RTL4: variants seen among roughly 807,000 people sequenced by gnomAD.
The protein encoded by RTL4 is retrotransposon Gag like 4.
A neutral mutation model predicts 5.3 loss-of-function variants in RTL4; 4 were observed. The observed-to-expected ratio is 0.75, with a 90% confidence interval of 0.37 to 1.72. The LOEUF is 1.72. Among genes scored for constraint, RTL4 ranks in the 40% most tolerant of loss-of-function variants. The probability of loss-of-function intolerance (pLI) is 0.04; values close to 1 mark genes in which losing one functional copy is unlikely to be tolerated. For missense variants in RTL4, 260 were observed against 227.1 expected (o/e 1.14, Z -0.93); for synonymous variants, 98 against 87.3 (o/e 1.12, Z -0.68).
chrX:112,114,410 G>A, the RTL4 span, among the ~76,000 whole-genome samples: 9 of 111,691 alleles, frequency 8.1e-5, no homozygotes, highest in South Asian at 1.9e-3. Flanking sequence ...AGCTAAATCC[G>A]CATTCTTTTC....
the RTL4 span, among the ~76,000 whole-genome samples, chrX:112,444,806 A>T: frequency 1.8e-5 from 2 of 111,832 alleles, no homozygotes; most frequent in Non-Finnish European, 1.9e-5. Context: ...ATAGTTGTTC[A>T]TAGTAGGAAA....
chrX:112,231,559 C>T, the RTL4 span, among the ~76,000 whole-genome samples: 25 of 74,564 alleles, frequency 3.4e-4, no homozygotes, highest in East Asian at 0.01. Context: ...CATCACACAC[C>T]AGGGACTGTT....
the RTL4 span, among the ~76,000 whole-genome samples, chrX:112,135,825 T>C: frequency 1.8e-5 from 2 of 108,977 alleles, no homozygotes; most frequent in Non-Finnish European, 3.8e-5. Context: ...ATATAATTAA[T>C]TTTTGGCAAA....
the RTL4 span, among the ~76,000 whole-genome samples, chrX:112,297,726 C>T: frequency 9.0e-6 from 1 of 111,468 alleles, no homozygotes; most frequent in Non-Finnish European, 1.9e-5. Flanking sequence ...AGGTCTGTCC[C>T]CCCAACAAAC....
chrX:112,340,343 C>A, the RTL4 span, among the ~76,000 whole-genome samples: 5 of 110,844 alleles, frequency 4.5e-5, no homozygotes, highest in Non-Finnish European at 9.4e-5. Context: ...AACAATGAAC[C>A]CAGTCACTTA....
chrX:112,195,260 A>C, the RTL4 span, among the ~76,000 whole-genome samples: 1 of 112,046 alleles, frequency 8.9e-6, no homozygotes, highest in African/African-American at 3.2e-5. Flanking sequence ...CATTCACTTC[A>C]AGCATAGAGA....
the RTL4 span, among the ~76,000 whole-genome samples, chrX:112,271,561 A>C: frequency 2.7e-5 from 3 of 111,519 alleles, no homozygotes; most frequent in Admixed American, 9.5e-5. Flanking sequence ...TGAGCAATTA[A>C]AAAAAAAGAA....
At chrX:112,383,287 T>A in the RTL4 span, among the ~76,000 whole-genome samples, 3 of 111,705 alleles carry the variant, frequency 2.7e-5, no homozygotes, top group Non-Finnish European at 5.7e-5. Context: ...TGAATCCTAG[T>A]ATAGGGGAAT....
the RTL4 span, among the ~76,000 whole-genome samples, chrX:112,089,563 G>A: frequency 9.0e-6 from 1 of 110,680 alleles, no homozygotes; most frequent in East Asian, 2.8e-4. Flanking sequence ...TAGACATATG[G>A]GCTTATTTTT....
the RTL4 span, among the ~76,000 whole-genome samples, chrX:112,332,483 A>G: frequency 9.0e-6 from 1 of 111,118 alleles, no homozygotes; most frequent in Non-Finnish European, 1.9e-5. Context: ...TATATATGCC[A>G]TGGAATACTA....
At chrX:112,085,380 C>A in the RTL4 span, among the ~76,000 whole-genome samples, 1 of 112,532 alleles carries the variant, frequency 8.9e-6, no homozygotes, top group African/African-American at 3.2e-5. Flanking sequence ...ATACTCTTTT[C>A]TCCTCTCTTC....
At chrX:112,256,136 A>G in the RTL4 span, among the ~76,000 whole-genome samples, 4 of 112,026 alleles carry the variant, frequency 3.6e-5, no homozygotes, top group African/African-American at 1.3e-4. Flanking sequence ...ATAGAATTTT[A>G]TTTTGTCCAC....
At chrX:112,284,342 G>A in the RTL4 span, among the ~76,000 whole-genome samples, 2 of 110,212 alleles carry the variant, frequency 1.8e-5, no homozygotes, top group African/African-American at 6.6e-5. Context: ...TCACTTATGG[G>A]TTGTGTGACT....
chrX:112,249,071 C>T, the RTL4 span, among the ~76,000 whole-genome samples: 1 of 111,936 alleles, frequency 8.9e-6, no homozygotes, highest in African/African-American at 3.3e-5. Context: ...CTCAAGTGTC[C>T]AGGGAGAGAA....
At chrX:112,101,579 T>C in the RTL4 span, among the ~76,000 whole-genome samples, 10 of 110,971 alleles carry the variant, frequency 9.0e-5, no homozygotes, top group African/African-American at 2.9e-4. Context: ...AAATGACCCA[T>C]AGGTGACAAA....
the RTL4 span, among the ~76,000 whole-genome samples, chrX:112,255,833 C>G: frequency 8.9e-6 from 1 of 112,005 alleles, no homozygotes; most frequent in African/African-American, 3.2e-5. Flanking sequence ...CCTGGATACT[C>G]TCTCTAGATG....
the RTL4 span, among the ~76,000 whole-genome samples, chrX:112,214,942 C>T: frequency 3.6e-5 from 4 of 109,757 alleles, no homozygotes; most frequent in Non-Finnish European, 5.7e-5. Context: ...GCACCCACCA[C>T]CACACCCGGC....
chrX:112,173,318 G>A, the RTL4 span, among the ~76,000 whole-genome samples: 13 of 111,458 alleles, frequency 1.2e-4, no homozygotes, highest in African/African-American at 4.2e-4. Flanking sequence ...ATCAAGTGAT[G>A]ATGGAGGATT....
chrX:112,398,646 G>A, the RTL4 span, among the ~76,000 whole-genome samples: 1 of 110,787 alleles, frequency 9.0e-6, no homozygotes, highest in Non-Finnish European at 1.9e-5. Context: ...TGATCCGCCC[G>A]CCTCGGCCTC....
Sources: gnomAD v4.1 joint callset for allele counts (sites outside exome capture counted in the v4.1 genomes callset) on GRCh38, gnomAD v4.1.1 for gene constraint, MANE v1.5 for transcripts, NCBI Gene and HGNC (gene_info 2026-07-23, HGNC 2026-07-21) for gene names.